Variants in PDE10A observed in about 807,000 individuals in gnomAD.
The protein encoded by PDE10A is cAMP and cAMP-inhibited cGMP 3',5'-cyclic phosphodiesterase 10A.
In PDE10A, 39 loss-of-function variants were observed where a neutral mutation model predicts 97.7. The ratio of observed to expected loss-of-function variants is 0.40; its 90% CI spans 0.31 to 0.52. The LOEUF (loss-of-function observed/expected upper bound fraction) is 0.52, where lower values mean the gene tolerates loss of function less well. Ranked by LOEUF, PDE10A falls within the 20% of genes least tolerant of loss-of-function variation. PDE10A has a pLI of 0.56. For missense variants in PDE10A, 731 were observed against 1,047.8 expected (o/e 0.70, Z 4.17); for synonymous variants, 371 against 376.8 (o/e 0.98, Z 0.18).
chr6:165,936,285 T>C (rs535132731), intron 1 of PDE10A, among the ~76,000 whole-genome samples: 4 of 152,140 alleles, frequency 2.6e-5, no homozygotes, highest in African/African-American at 9.7e-5. Flanking sequence ...TGATGAACCA[T>C]GGAGGGAATG....
At chr6:165,791,813 G>C (rs1048282368) in intron 1 of PDE10A, among the ~76,000 whole-genome samples, 2 of 152,204 alleles carry the variant, frequency 1.3e-5, no homozygotes, top group African/African-American at 4.8e-5. Flanking sequence ...TTGCTAGCTT[G>C]TAGGGACAGC....
At chr6:165,558,583 T>C (rs1207624009) in intron 1 of PDE10A, among the ~76,000 whole-genome samples, 1 of 152,202 alleles carries the variant, frequency 6.6e-6, no homozygotes, top group Non-Finnish European at 1.5e-5. Context: ...CTCGCAAATA[T>C]ACCTTCTTAA....
chr6:165,964,819 T>C (rs1784462763), intron 1 of PDE10A, among the ~76,000 whole-genome samples: 1 of 152,110 alleles, frequency 6.6e-6, no homozygotes, highest in Non-Finnish European at 1.5e-5. Flanking sequence ...GAAAGGTGCA[T>C]AGGGGGCTAT....
At chr6:165,677,836 G>A (rs570742122) in intron 1 of PDE10A, among the ~76,000 whole-genome samples, 8 of 152,078 alleles carry the variant, frequency 5.3e-5, no homozygotes, top group Non-Finnish European at 7.4e-5. Flanking sequence ...TGATGTGTGC[G>A]CGTTTGTGTA....
intron 8 of PDE10A, 124 bp downstream of exon 8, chr6:165,431,298 A>T (rs1789534712): frequency 1.9e-6 from 1 of 536,130 alleles, no homozygotes; most frequent in Admixed American, 2.9e-5. Context: ...TAGAAATAAC[A>T]GAAAATTGTA....
rs540917111 is a variant in PDE10A at position 165,919,617 on chromosome 6, A to G, written c.-615+67912T>C. Among the ~76,000 whole-genome samples, 9 of 152,104 alleles carry G rather than the reference A, an allele frequency of 5.9e-5. No homozygotes were observed. The East Asian group carries it at 1.7e-3, about 29-fold the overall frequency. On this transcript the variant is annotated intron_variant, in intron 1 of 19. Transcript: ENST00000366882. ...CCTCCTTTCCTTTCTTTTTCTATTT[A>G]CAGCCCTTTGAGCATATAAAAAACA...
intron 6 of PDE10A, among the ~76,000 whole-genome samples, chr6:165,433,965 C>A (rs542324565): frequency 1.5e-5 from 2 of 135,290 alleles, no homozygotes; most frequent in South Asian, 4.6e-4. Flanking sequence ...TGCAGTGAGC[C>A]GAGATCAAGC....
At chr6:165,757,663 G>C (rs533038883) in intron 1 of PDE10A, among the ~76,000 whole-genome samples, 1 of 152,040 alleles carries the variant, frequency 6.6e-6, no homozygotes, top group South Asian at 2.1e-4. Flanking sequence ...TCTATTTCTG[G>C]ACTTTCTAAT....
At chr6:165,642,987 G>A (rs1412620026) in intron 1 of PDE10A, among the ~76,000 whole-genome samples, 8 of 152,156 alleles carry the variant, frequency 5.3e-5, no homozygotes, top group African/African-American at 1.9e-4. Flanking sequence ...CTCAGTCCAT[G>A]GACCCTGTCC....
Position 165,459,518 on chromosome 6 carries a change from TAGATAGACAGAC to T in PDE10A, c.1024-9168_1024-9157del, listed in dbSNP as rs754268131. ...ATAGATAGATAGATAGATAGATAGATAGATAGACAGACAGACAGACAGACAGACAGACAGACA... is the reference window on the plus strand; with the variant it reads ...ATAGATAGATAGATAGATAGATAGATAGACAGACAGACAGACAGACAGACA... On this transcript the variant is annotated intron_variant, in intron 3 of 21. Transcript: ENST00000539869. 4.3e-3 allele frequency among the ~76,000 whole-genome samples: 347 copies of T among 80,906 alleles called. 1 individual carries two copies. The highest frequency in any genetic ancestry group is 0.016 in the African/African-American group (301 of 19,092). 53.1% of individuals were successfully genotyped at this position (80,906 alleles called of 152,430 possible). A position where few individuals can be genotyped will look rare whatever the true frequency, so the allele number is the denominator to read the frequency against.
intron 1 of PDE10A, among the ~76,000 whole-genome samples, chr6:165,910,278 C>A (rs1237421447): frequency 6.6e-6 from 1 of 152,166 alleles, no homozygotes; most frequent in Admixed American, 6.5e-5. Context: ...ACAAGGTAGA[C>A]AAGATGGCCA....
chr6:165,503,333 A>T (rs1046311089), intron 2 of PDE10A, among the ~76,000 whole-genome samples: 2 of 152,188 alleles, frequency 1.3e-5, no homozygotes, highest in African/African-American at 4.8e-5. Flanking sequence ...ATCATTCTGC[A>T]CAGTATCAAC....
At chr6:165,401,604 C>T (rs1325124664) in intron 13 of PDE10A, among the ~76,000 whole-genome samples, 2 of 152,062 alleles carry the variant, frequency 1.3e-5, no homozygotes, top group South Asian at 2.1e-4. Context: ...TCTTCATAAC[C>T]GTGATTTTTT....
At chr6:165,384,577 A>AC (rs1266092892) in intron 17 of PDE10A, among the ~76,000 whole-genome samples, 5 of 149,760 alleles carry the variant, frequency 3.3e-5, no homozygotes, top group African/African-American at 9.8e-5. Flanking sequence ...GTGAGCAAAT[A>AC]CCCACTTCCT....
upstream of PDE10A, among the ~76,000 whole-genome samples, chr6:165,663,496 G>C (rs1005437616): frequency 1.3e-5 from 2 of 152,234 alleles, no homozygotes; most frequent in Non-Finnish European, 2.9e-5. Context: ...TGCTGGGCGA[G>C]CCACGTCGGC....
Position 165,535,193 on chromosome 6 carries a change from A to T in PDE10A, c.994+8247T>A, listed in dbSNP as rs376405041. Among the ~76,000 whole-genome samples the T allele has an allele frequency of 1.1e-4, 17 of 151,996 alleles. 1 individual carries two copies. The highest frequency in any genetic ancestry group is 4.1e-4 in the African/African-American group (17 of 41,524). On this transcript the variant is annotated intron_variant, in intron 2 of 21. Coordinates refer to ENST00000539869, the MANE Select transcript of PDE10A (RefSeq NM_001385079.1). ...AATCGAGAAAGCAATCCCATTTACA[A>T]TACCTACAAAAGAAACCCCGGGAAT...
At chr6:165,437,711 C>G (rs1790123341) in intron 5 of PDE10A, among the ~76,000 whole-genome samples, 1 of 152,136 alleles carries the variant, frequency 6.6e-6, no homozygotes, top group African/African-American at 2.4e-5. Flanking sequence ...GATATGAAGG[C>G]CCAAAACTCC....
At chr6:165,835,478 C>T (rs73031993) in intron 1 of PDE10A, among the ~76,000 whole-genome samples, 4,360 of 152,346 alleles carry the variant, frequency 0.029, 96 homozygotes, top group Non-Finnish European at 0.047. Flanking sequence ...GCACTGCCCA[C>T]GCCTCCTGTG....
chr6:165,529,022 T>C (rs1335323051), intron 2 of PDE10A, among the ~76,000 whole-genome samples: 1 of 152,058 alleles, frequency 6.6e-6, no homozygotes, highest in Non-Finnish European at 1.5e-5. Context: ...TTAGCAAAAT[T>C]TTTGCTTCCT....
Sources: allele counts gnomAD v4.1 joint callset (sites outside exome capture counted in the v4.1 genomes callset), GRCh38; gene constraint gnomAD v4.1.1; transcripts MANE v1.5; gene names NCBI Gene and HGNC (gene_info 2026-07-23, HGNC 2026-07-21).